Variants in NCALD observed in about 807,000 individuals in gnomAD.
The protein encoded by NCALD is neurocalcin delta, also known as neurocalcin-delta.
Under a neutral mutation model 18.6 loss-of-function variants are expected in NCALD, and 10 were observed. The ratio of observed to expected loss-of-function variants is 0.54; its 90% CI spans 0.33 to 0.91. The LOEUF (loss-of-function observed/expected upper bound fraction) is 0.91. Among genes scored for constraint, NCALD ranks in the 40% least tolerant of loss-of-function variants. NCALD has a pLI of 0.03. For missense variants in NCALD, 184 were observed against 247.6 expected, an observed-to-expected ratio of 0.74 and a Z score of 1.72; for synonymous variants, 88 against 87.4, an observed-to-expected ratio of 1.01 and a Z score of -0.04.
At chr8:101,715,973 T>C (rs971152212) in intron 2 of NCALD, among the ~76,000 whole-genome samples, 2 of 152,226 alleles carry the variant, frequency 1.3e-5, no homozygotes, top group African/African-American at 2.4e-5. Flanking sequence ...ACTGGGTATA[T>C]ACCCAAAGGA....
At chr8:102,019,693 A>G (rs1822207956) in intron 2 of NCALD, among the ~76,000 whole-genome samples, 1 of 152,156 alleles carries the variant, frequency 6.6e-6, no homozygotes, top group African/African-American at 2.4e-5. Flanking sequence ...AGCAAATTAA[A>G]TCTAGCTAAG....
intron 2 of NCALD, among the ~76,000 whole-genome samples, chr8:102,000,231 C>T (rs60389438): frequency 0.15 from 22,791 of 152,170 alleles, 2,279 homozygotes; most frequent in African/African-American, 0.28. Flanking sequence ...GACCATATTC[C>T]GCGCCTGGCT....
intron 4 of NCALD, among the ~76,000 whole-genome samples, chr8:101,825,071 C>A (rs62518460): frequency 6.6e-6 from 1 of 152,212 alleles, no homozygotes; most frequent in Non-Finnish European, 1.5e-5. Flanking sequence ...ACCCAGCTTG[C>A]AGAATTTGAT....
At position 102,001,993 on chromosome 8, in the gene NCALD, A is replaced by G. The variant is rs1202159944; in HGVS notation, c.-157+18244T>C. Among the ~76,000 whole-genome samples, 9 of 152,348 alleles carry G rather than the reference A, an allele frequency of 5.9e-5. 1 individual carries two copies. Among genetic ancestry groups the G allele is most frequent in the African/African-American group, 2.2e-4 (9 of 41,586 alleles). ...CTAATGAGCAAAATAACCAGCTAACATCATAATGACAGGATCAAATTCACA... is the reference window on the plus strand; with the variant it reads ...CTAATGAGCAAAATAACCAGCTAACGTCATAATGACAGGATCAAATTCACA... On this transcript the variant is annotated intron_variant, in intron 2 of 6. Coordinates refer to the NCALD transcript ENST00000311028.
At chr8:101,821,881 TAA>T (rs370878560) in intron 4 of NCALD, among the ~76,000 whole-genome samples, 76,833 of 116,330 alleles carry the variant, frequency 0.66, 25,673 homozygotes, top group Non-Finnish European at 0.76. Flanking sequence ...GGGTTCTAAG[TAA>T]AAAAAAAAAA....
chr8:101,803,109 G>A (rs1812932169), intron 4 of NCALD, among the ~76,000 whole-genome samples: 1 of 152,070 alleles, frequency 6.6e-6, no homozygotes, highest in Non-Finnish European at 1.5e-5. Context: ...TGGCTTCAAG[G>A]CTTTAAAAAA....
chr8:101,946,399 C>T (rs1248055003), intron 2 of NCALD, among the ~76,000 whole-genome samples: 1 of 152,056 alleles, frequency 6.6e-6, no homozygotes, highest in African/African-American at 2.4e-5. Flanking sequence ...AAATTATAGC[C>T]AGTGTCACAT....
intron 2 of NCALD, among the ~76,000 whole-genome samples, chr8:101,940,839 T>C (rs1436573143): frequency 6.6e-6 from 1 of 152,170 alleles, no homozygotes; most frequent in African/African-American, 2.4e-5. Flanking sequence ...AACAGCTAAA[T>C]CTGCCCTTGC....
intron 4 of NCALD, among the ~76,000 whole-genome samples, chr8:101,886,762 G>A (rs899304855): frequency 5.3e-5 from 8 of 152,108 alleles, no homozygotes; most frequent in African/African-American, 1.9e-4. Context: ...TATACTAAAT[G>A]AGTCCATTTG....
intron 1 of NCALD, among the ~76,000 whole-genome samples, chr8:101,769,582 A>G (rs1464194246): frequency 6.6e-6 from 1 of 152,014 alleles, no homozygotes; most frequent in Non-Finnish European, 1.5e-5. Context: ...AGCAGGCATG[A>G]TTAGAAGTAA....
chr8:101,691,471 C>T lies in NCALD; in HGVS notation c.484+1320G>A, dbSNP rs185803155. The T allele has an allele frequency of 7.5e-5, 74 of 985,300 alleles. No homozygotes were observed. The Admixed American group carries it at 4.2e-3, about 56-fold the overall frequency. The allele number at this position is 985,300 out of a possible 1,614,324, so 61.0% of individuals were successfully genotyped here. On this transcript the variant is annotated intron_variant, in intron 3 of 3. Coordinates refer to ENST00000220931, the MANE Select transcript of NCALD (RefSeq NM_032041.3). ...GCTTTAGGGCTTTATCCTGTGACAT[C>T]TGATCTTCTCCCATCCTTCAGCCCT...
chr8:101,965,647 G>A (rs985952184), intron 2 of NCALD, among the ~76,000 whole-genome samples: 2 of 152,072 alleles, frequency 1.3e-5, no homozygotes, highest in Non-Finnish European at 2.9e-5. Context: ...ATAGCATTAG[G>A]AGAAATATCT....
chr8:101,815,688 C>T (rs960041017), intron 4 of NCALD, among the ~76,000 whole-genome samples: 20 of 152,114 alleles, frequency 1.3e-4, no homozygotes, highest in Admixed American at 6.6e-5. Context: ...AACTCTCATT[C>T]ACTGCTGGAA....
chr8:101,695,525 A>G lies in NCALD; in HGVS notation c.379-2629T>C, dbSNP rs576943164. On this transcript the variant is annotated intron_variant, in intron 2 of 3. Transcript: ENST00000220931. ...GTCCTGGACCAGCAGCTTTGTTTAT[A>G]TTCTTCTCTCACCTGAGTGCTCACC... Among the ~76,000 whole-genome samples the G allele has an allele frequency of 7.2e-5, 11 of 152,030 alleles. No homozygotes were observed. In the South Asian group the frequency reaches 2.1e-3, roughly 29 times the overall value.
chr8:101,951,822 G>A (rs768659232), intron 2 of NCALD, among the ~76,000 whole-genome samples: 1 of 152,090 alleles, frequency 6.6e-6, no homozygotes, highest in Non-Finnish European at 1.5e-5. Context: ...TGGTCTGTTT[G>A]TCCTGCTTCA....
At chr8:102,073,307 A>G (rs1157272653) in intron 1 of NCALD, among the ~76,000 whole-genome samples, 1 of 152,166 alleles carries the variant, frequency 6.6e-6, no homozygotes, top group African/African-American at 2.4e-5. Context: ...ATTCAAAAAA[A>G]TAAAATAAAA....
intron 1 of NCALD, among the ~76,000 whole-genome samples, chr8:102,098,974 G>A (rs554180512): frequency 4.6e-5 from 7 of 152,302 alleles, no homozygotes; most frequent in Admixed American, 1.3e-4. Context: ...AATTGTGAGG[G>A]TGTTGTGAAC....
chr8:102,119,828 G>A (rs555800), intron 1 of NCALD, among the ~76,000 whole-genome samples: 72,756 of 152,052 alleles, frequency 0.48, 17,753 homozygotes, highest in East Asian at 0.58. Context: ...TATTCAGCCT[G>A]TATCCCTACA....
intron 4 of NCALD, among the ~76,000 whole-genome samples, chr8:101,828,620 GAGAC>G (rs1814040833): frequency 6.9e-6 from 1 of 144,984 alleles, no homozygotes; most frequent in Admixed American, 7.0e-5. Flanking sequence ...TTTTTTTTAA[GAGAC>G]AGAGTCTCAC....
Sources: allele counts gnomAD v4.1 joint callset (sites outside exome capture counted in the v4.1 genomes callset), GRCh38; gene constraint gnomAD v4.1.1; transcripts MANE v1.5; gene names NCBI Gene and HGNC (gene_info 2026-07-23, HGNC 2026-07-21).